Variants in PRUNE1 observed in about 807,000 individuals in gnomAD.
PRUNE1 encodes the protein exopolyphosphatase PRUNE1.
In PRUNE1, 25 loss-of-function variants were observed where a neutral mutation model predicts 42.5. The ratio of observed to expected loss-of-function variants is 0.59; its 90% CI spans 0.43 to 0.82. The LOEUF (loss-of-function observed/expected upper bound fraction) is 0.82. Ranked by LOEUF, PRUNE1 falls within the 40% of genes least tolerant of loss-of-function variation. The probability of loss-of-function intolerance (pLI) is 0.00; values close to 1 mark genes in which losing one functional copy is unlikely to be tolerated. For synonymous variants in PRUNE1, 203 were observed against 217.1 expected, an observed-to-expected ratio of 0.93 and a Z score of 0.57; for missense variants, 443 against 539.3, an observed-to-expected ratio of 0.82 and a Z score of 1.77.
intron 3 of PRUNE1, among the ~76,000 whole-genome samples, chr1:151,021,229 C>A (rs1277104912): frequency 1.3e-5 from 2 of 151,022 alleles, no homozygotes; most frequent in African/African-American, 2.4e-5. Flanking sequence ...CTGAGGCGGG[C>A]AGAATCACCT....
chr1:151,018,732 T>C, intron 3 of PRUNE1, 63 bp downstream of exon 3: 7 of 1,467,072 alleles, frequency 4.8e-6, no homozygotes, highest in Non-Finnish European at 6.6e-6. Flanking sequence ...ATGAGTGAGA[T>C]ATAAAGAGAG....
intron 3 of PRUNE1, among the ~76,000 whole-genome samples, chr1:151,022,412 G>C (rs1674515566): frequency 1.0e-5 from 1 of 97,172 alleles, no homozygotes; most frequent in Non-Finnish European, 2.0e-5. Flanking sequence ...GCCCGGCCTG[G>C]CTAATTTTTT....
rs1675427671 is a variant in PRUNE1 at position 151,034,231 on chromosome 1, G to A, written c.1359G>A (p.Lys453=). ...CTACCACAGCCTCCCTGTCCAAGAA[G>A]TGACTGTTGAGAGGCGAGGAGGTAG... ...SQSTTASLSK[K] Residue 453 remains lysine (K), a synonymous_variant, in exon 8 of 8, where the codon AAG becomes AAA. Coordinates refer to ENST00000271620, the MANE Select transcript of PRUNE1 (RefSeq NM_021222.3). The A allele has an allele frequency of 3.7e-6, 6 of 1,607,278 alleles. No individual in the cohort carries two copies. The highest frequency in any genetic ancestry group is 3.4e-6 in the Non-Finnish European group (4 of 1,175,008).
In PRUNE1 at chr1:151,028,719, G is replaced by A. The variant is rs112484794; in HGVS notation, c.775-67G>A. On this transcript the variant is annotated intron_variant, in intron 6 of 7. Transcript: ENST00000271620. Reference sequence around the variant, plus strand: ...ATTATAGGCGTAAGCGACCGTGCCCGGCCCAAGGATGTTTTATTGATGATG... The same window carrying A: ...ATTATAGGCGTAAGCGACCGTGCCCAGCCCAAGGATGTTTTATTGATGATG... 109 of 1,540,746 alleles carry A rather than the reference G, an allele frequency of 7.1e-5. 1 individual carries two copies. The highest frequency in any genetic ancestry group is 1.9e-4 in the African/African-American group (14 of 73,048).
intron 3 of PRUNE1, among the ~76,000 whole-genome samples, chr1:151,019,617 G>A (rs1343261315): frequency 1.3e-5 from 2 of 149,540 alleles, no homozygotes; most frequent in South Asian, 2.1e-4. Flanking sequence ...TTTGAAAAAT[G>A]TTTGCAATTC....
chr1:151,024,939 G>A (rs1024986767), intron 4 of PRUNE1, 144 bp downstream of exon 4: 1 of 897,524 alleles, frequency 1.1e-6, no homozygotes, highest in Non-Finnish European at 1.7e-6. Context: ...TCTTTCAGGG[G>A]ACAATTGAGC....
intron 5 of PRUNE1, among the ~76,000 whole-genome samples, chr1:151,027,029 G>T (rs587713864): frequency 6.6e-6 from 1 of 151,742 alleles, no homozygotes; most frequent in Non-Finnish European, 1.5e-5. Context: ...CAGGTGATCC[G>T]CCCACCTCAG....
chr1:151,013,657 T>C (rs587632503), intron 1 of PRUNE1, among the ~76,000 whole-genome samples: 2 of 152,312 alleles, frequency 1.3e-5, no homozygotes, highest in South Asian at 4.1e-4. Flanking sequence ...CCACTGCTCT[T>C]ATGTTTTTCC....
intron 3 of PRUNE1, among the ~76,000 whole-genome samples, chr1:151,021,712 CCTTTTTTTTT>C (rs1286451439): frequency 6.7e-6 from 1 of 150,282 alleles, no homozygotes; most frequent in East Asian, 1.9e-4. Flanking sequence ...AATAAACTTT[CCTTTTTTTTT>C]CTTTTTTTTT....
At chr1:151,015,611 G>A (rs1293803884) in intron 1 of PRUNE1, among the ~76,000 whole-genome samples, 36 of 147,648 alleles carry the variant, frequency 2.4e-4, no homozygotes, top group African/African-American at 8.8e-4. Context: ...TACAGCCTGG[G>A]CGACAGAGTG....
At chr1:151,010,244 G>A (rs1364325030) in intron 1 of PRUNE1, among the ~76,000 whole-genome samples, 1 of 151,914 alleles carries the variant, frequency 6.6e-6, no homozygotes, top group Non-Finnish European at 1.5e-5. Context: ...CCACCACGCA[G>A]GGCTAATTTT....
At chr1:151,017,944 A>G in intron 2 of PRUNE1, 40 bp downstream of exon 2, 1 of 1,385,772 alleles carries the variant, frequency 7.2e-7, no homozygotes, top group Non-Finnish European at 1.0e-6. Context: ...TGAGTCCCTC[A>G]GAACGAAAAG....
In PRUNE1 at chr1:151,018,108, C is replaced by T. The variant is rs587662625; in HGVS notation, c.132+204C>T. On this transcript the variant is annotated intron_variant, in intron 2 of 7. Coordinates refer to ENST00000271620, the MANE Select transcript of PRUNE1 (RefSeq NM_021222.3). ...AGGAAAAAAGTGAGCAAATATATTT[C>T]GAGGGATATGTAAACCATAAAGCAA... Among the ~76,000 whole-genome samples the T allele has an allele frequency of 4.6e-5, 7 of 151,914 alleles. No homozygotes were observed. In the South Asian group the frequency reaches 1.5e-3, roughly 32 times the overall value.
chr1:151,024,710 G>A lies in PRUNE1; in HGVS notation c.435G>A (p.Val145=), dbSNP rs587670646. 7.4e-6 allele frequency: 12 copies of A among 1,614,114 alleles called. No homozygotes were observed. Among genetic ancestry groups the A allele is most frequent in the Middle Eastern group, 1.6e-4 (1 of 6,062 alleles). The stretch of plus-strand genomic sequence containing the variant: ...CCTGCCATGTTTCAGTTGAGCTGGT[G>A]GGGTCCTGTGCTACCCTGGTGACCG... The part of the protein sequence containing the change: ...CPPCHVSVEL[V]GSCATLVTER... The change falls in exon 4 of 8, where the codon GTG becomes GTA. Residue 145 remains valine (V), a synonymous_variant. Coordinates refer to ENST00000271620, the MANE Select transcript of PRUNE1 (RefSeq NM_021222.3).
At position 151,018,447 on chromosome 1, in the gene PRUNE1, CT is replaced by C. The variant is rs777402381; in HGVS notation, c.133-16del. On this transcript the variant is annotated intron_variant, in intron 2 of 7. Transcript: ENST00000271620. ...TCATTATAAAACCTTGTGATACCTT[CT>C]TTTCACTTTCCTATCTAGACAACTG... 1 of 1,587,496 alleles carries C rather than the reference CT, an allele frequency of 6.3e-7. No individual in the cohort carries two copies. Among genetic ancestry groups the C allele is most frequent in the East Asian group, 2.2e-5 (1 of 44,744 alleles).
At chr1:151,016,587 C>T (rs1329551926) in intron 1 of PRUNE1, among the ~76,000 whole-genome samples, 7 of 151,892 alleles carry the variant, frequency 4.6e-5, no homozygotes, top group Admixed American at 2.6e-4. Context: ...CTGCAACCTC[C>T]GTCTGCCGGG....
At position 151,033,086 on chromosome 1, in the gene PRUNE1, T is replaced by C. The variant is rs587716782; in HGVS notation, c.934-720T>C. On this transcript the variant is annotated intron_variant, in intron 7 of 7. Transcript: ENST00000271620. Reference sequence around the variant, plus strand: ...ACTGTGCCCGGCCTCAAGGATAACTTACTTTTTTTTTTTTTTGAGACGGAG... The same window carrying C: ...ACTGTGCCCGGCCTCAAGGATAACTCACTTTTTTTTTTTTTTGAGACGGAG... Among the ~76,000 whole-genome samples the C allele has an allele frequency of 6.0e-3, 859 of 143,464 alleles. 9 individuals carry two copies. Among genetic ancestry groups the C allele is most frequent in the African/African-American group, 0.021 (828 of 38,512 alleles). 94.1% of individuals were successfully genotyped at this position (143,464 alleles called of 152,430 possible). A position where few individuals can be genotyped will look rare whatever the true frequency, so the allele number is the denominator to read the frequency against.
At position 151,033,794 on chromosome 1, in the gene PRUNE1, TCTC is replaced by T; in HGVS notation, c.934-8_934-6del. The stretch of plus-strand genomic sequence containing the variant: ...GTTGTGTATCATTTCCCTGTTATTG[TCTC>T]CTCTTTAGATCTGTGAAGTCCTGGA... On this transcript the variant is annotated splice_polypyrimidine_tract_variant and intron_variant, in intron 7 of 7. Transcript: ENST00000271620. The T allele has an allele frequency of 6.2e-7, 1 of 1,604,818 alleles. No homozygotes were observed. The highest frequency in any genetic ancestry group is 1.1e-5 in the South Asian group (1 of 90,862).
Position 151,018,455 on chromosome 1 carries a change from T to C in PRUNE1, c.133-12T>C. 1.9e-6 allele frequency: 3 copies of C among 1,599,992 alleles called. No individual in the cohort carries two copies. The highest frequency in any genetic ancestry group is 2.6e-6 in the Non-Finnish European group (3 of 1,167,744). ...AAACCTTGTGATACCTTCTTTTCACTTTCCTATCTAGACAACTGAGGCTGA... is the reference window on the plus strand; with the variant it reads ...AAACCTTGTGATACCTTCTTTTCACCTTCCTATCTAGACAACTGAGGCTGA... On this transcript the variant is annotated splice_polypyrimidine_tract_variant and intron_variant, in intron 2 of 7. Coordinates refer to ENST00000271620, the MANE Select transcript of PRUNE1 (RefSeq NM_021222.3).
Sources: allele counts gnomAD v4.1 joint callset (sites outside exome capture counted in the v4.1 genomes callset), GRCh38; gene constraint gnomAD v4.1.1; transcripts MANE v1.5; gene names NCBI Gene and HGNC (gene_info 2026-07-23, HGNC 2026-07-21).